The following DMD variants were observed in gnomAD, a reference collection of about 807,000 sequenced individuals.
The protein encoded by DMD is mutant dystrophin.
A neutral mutation model predicts 330.1 loss-of-function variants in DMD; 63 were observed. That is an observed-to-expected ratio of 0.19 (90% CI 0.16 to 0.24). DMD has a LOEUF of 0.24. Ranked by LOEUF, DMD falls within the 10% of genes least tolerant of loss-of-function variation. DMD has a pLI of 1.00. For synonymous variants in DMD, 1,223 were observed against 959.8 expected, an observed-to-expected ratio of 1.27 and a Z score of -5.07; for missense variants, 3,344 against 2,684.1, an observed-to-expected ratio of 1.25 and a Z score of -5.43.
intron 43 of DMD, among the ~76,000 whole-genome samples, chrX:32,220,697 T>A (rs2097129169): frequency 9.0e-6 from 1 of 111,186 alleles, no homozygotes; most frequent in Non-Finnish European, 1.9e-5. Flanking sequence ...CAATTTAATA[T>A]CTAATTAGTC....
chrX:32,931,143 A>T (rs1462190787), intron 2 of DMD, among the ~76,000 whole-genome samples: 9 of 109,977 alleles, frequency 8.2e-5, no homozygotes, highest in Non-Finnish European at 1.5e-4. Context: ...TGTTAAATTA[A>T]CAGTGAAAGC....
At position 32,595,715 on chromosome X, in the gene DMD, T is replaced by C. The variant is rs749783437; in HGVS notation, c.1602+42A>G. ...TAAAATACTTTTCAAGTTATAGTTC[T>C]TTTAAAGGACATATTTAGTTTACTA... On this transcript the variant is annotated intron_variant, in intron 13 of 78. Transcript: ENST00000357033. The C allele has an allele frequency of 5.1e-6, 6 of 1,183,569 alleles. No homozygotes were observed. In the South Asian group the frequency reaches 7.2e-5, roughly 14 times the overall value.
At chrX:32,505,270 T>C (rs1201906162) in intron 18 of DMD, among the ~76,000 whole-genome samples, 2 of 112,225 alleles carry the variant, frequency 1.8e-5, no homozygotes, top group African/African-American at 6.5e-5. Flanking sequence ...GAAAGACATA[T>C]CTGGTAGAGA....
At chrX:31,262,044 G>A (rs1053746942) in intron 62 of DMD, among the ~76,000 whole-genome samples, 1 of 112,456 alleles carries the variant, frequency 8.9e-6, no homozygotes, top group Non-Finnish European at 1.9e-5. Flanking sequence ...ACAGAAAGAG[G>A]AGTCTGGAGA....
At chrX:32,636,600 G>A (rs190517317) in intron 11 of DMD, among the ~76,000 whole-genome samples, 10 of 111,526 alleles carry the variant, frequency 9.0e-5, no homozygotes, top group Admixed American at 7.6e-4. Context: ...TCAACTATCC[G>A]AGGCAACATT....
intron 62 of DMD, among the ~76,000 whole-genome samples, chrX:31,318,809 T>C (rs2056224380): frequency 8.9e-6 from 1 of 112,084 alleles, no homozygotes; most frequent in Admixed American, 9.4e-5. Flanking sequence ...ATGAAATGCA[T>C]TACTGCTGAT....
At chrX:32,224,222 CACT>C (rs1347916361) in intron 43 of DMD, among the ~76,000 whole-genome samples, 2 of 110,804 alleles carry the variant, frequency 1.8e-5, no homozygotes, top group Admixed American at 9.7e-5. Context: ...CAAGGTAGTC[CACT>C]TTATTATTTT....
chrX:32,919,924 A>G (rs1334072358), intron 2 of DMD, among the ~76,000 whole-genome samples: 1 of 112,006 alleles, frequency 8.9e-6, no homozygotes, highest in Admixed American at 9.5e-5. Flanking sequence ...CTCTCTGTAA[A>G]GGAAAGCCTA....
chrX:31,341,603 T>C (rs953819814), intron 61 of DMD, among the ~76,000 whole-genome samples: 2 of 111,248 alleles, frequency 1.8e-5, no homozygotes, highest in Non-Finnish European at 3.8e-5. Context: ...AGAATAATCG[T>C]TGGCAATAGC....
At chrX:32,686,578 A>AAAAAAAAAAAG (rs1556919375) in intron 9 of DMD, among the ~76,000 whole-genome samples, 4 of 105,619 alleles carry the variant, frequency 3.8e-5, no homozygotes, top group Admixed American at 1.0e-4. Flanking sequence ...AAAAAAAAAA[A>AAAAAAAAAAAG]AAAAGAAAAG....
intron 61 of DMD, among the ~76,000 whole-genome samples, chrX:31,332,563 C>T (rs983009487): frequency 1.8e-5 from 2 of 111,895 alleles, no homozygotes; most frequent in African/African-American, 6.5e-5. Flanking sequence ...GATTATCATC[C>T]TCTTTGGTCT....
Position 33,031,418 on chromosome X carries a change from C to G in DMD, c.32-11218G>C, listed in dbSNP as rs972942866. Among the ~76,000 whole-genome samples, 4 of 111,026 alleles carry G rather than the reference C, an allele frequency of 3.6e-5. No individual in the cohort carries two copies. The South Asian group carries it at 1.5e-3, about 42-fold the overall frequency. ...TAGGAGCATCGTTATTGTCTGCTCTCTGTAGTGGAATTTGGGCCCACATTT... is the reference window on the plus strand; with the variant it reads ...TAGGAGCATCGTTATTGTCTGCTCTGTGTAGTGGAATTTGGGCCCACATTT... On this transcript the variant is annotated intron_variant, in intron 1 of 78. Coordinates refer to ENST00000357033, the MANE Select transcript of DMD (RefSeq NM_004006.3).
intron 43 of DMD, among the ~76,000 whole-genome samples, chrX:32,244,743 G>A (rs2097225351): frequency 1.1e-5 from 1 of 89,920 alleles, no homozygotes; most frequent in African/African-American, 4.1e-5. Context: ...GTGTTTTTTG[G>A]CTGCATAAAT....
At chrX:32,672,294 G>C (rs1405924877) in intron 9 of DMD, among the ~76,000 whole-genome samples, 1 of 110,969 alleles carries the variant, frequency 9.0e-6, no homozygotes, top group Non-Finnish European at 1.9e-5. Flanking sequence ...AAAAAATGCA[G>C]TGGATATAAA....
chrX:31,846,000 A>G (rs763288101), intron 48 of DMD, among the ~76,000 whole-genome samples: 1 of 111,167 alleles, frequency 9.0e-6, no homozygotes, highest in Non-Finnish European at 1.9e-5. Flanking sequence ...ATAGAGCCAG[A>G]ATTAGGTATT....
intron 21 of DMD, among the ~76,000 whole-genome samples, chrX:32,481,010 C>T (rs1397769624): frequency 9.1e-6 from 1 of 110,138 alleles, no homozygotes; most frequent in African/African-American, 3.3e-5. Context: ...TAAATTAGGT[C>T]AATTTCCTGA....
At chrX:32,486,088 G>C (rs915799162) in intron 20 of DMD, among the ~76,000 whole-genome samples, 2 of 109,667 alleles carry the variant, frequency 1.8e-5, no homozygotes, top group Admixed American at 9.8e-5. Context: ...TCCTCTTGTT[G>C]TCCTGGCATA....
At chrX:32,498,414 G>A (rs2043712183) in intron 19 of DMD, among the ~76,000 whole-genome samples, 1 of 109,344 alleles carries the variant, frequency 9.1e-6, no homozygotes, top group African/African-American at 3.4e-5. Flanking sequence ...CCAGAAACGT[G>A]ATTTTTTTTT....
At chrX:31,426,818 A>G (rs2063744982) in intron 60 of DMD, among the ~76,000 whole-genome samples, 1 of 112,318 alleles carries the variant, frequency 8.9e-6, no homozygotes, top group Non-Finnish European at 1.9e-5. Flanking sequence ...AGCAGGAACA[A>G]TTAGTCTGTT....
Sources: allele counts gnomAD v4.1 joint callset (sites outside exome capture counted in the v4.1 genomes callset), GRCh38; gene constraint gnomAD v4.1.1; transcripts MANE v1.5; gene names NCBI Gene and HGNC (gene_info 2026-07-23, HGNC 2026-07-21).